POLR3B: variants seen among roughly 807,000 people sequenced by gnomAD.
POLR3B encodes RNA polymerase III subunit B.
A neutral mutation model predicts 147.4 loss-of-function variants in POLR3B; 96 were observed. That is an observed-to-expected ratio of 0.65 (90% confidence interval 0.55 to 0.77). The LOEUF is 0.77. POLR3B is among the 30% of genes least tolerant of loss of function. The pLI is 0.00. For synonymous variants in POLR3B, 461 were observed against 485.9 expected (o/e 0.95, Z 0.67); for missense variants, 1,036 against 1,413.5 (o/e 0.73, Z 4.28).
intron 2 of POLR3B, among the ~76,000 whole-genome samples, chr12:106,364,133 A>G (rs2036501895): frequency 6.6e-6 from 1 of 152,264 alleles, no homozygotes; most frequent in African/African-American, 2.4e-5. Flanking sequence ...AGCATGGCAC[A>G]TGATTAAAAA....
At chr12:106,467,618 G>T (rs1357361658) in intron 23 of POLR3B, among the ~76,000 whole-genome samples, 1 of 151,650 alleles carries the variant, frequency 6.6e-6, no homozygotes, top group Non-Finnish European at 1.5e-5. Context: ...TTATTTTGAG[G>T]TATGTTCCAT....
At chr12:106,431,156 A>G (rs2037505134) in intron 14 of POLR3B, among the ~76,000 whole-genome samples, 1 of 152,226 alleles carries the variant, frequency 6.6e-6, no homozygotes, top group South Asian at 2.1e-4. Flanking sequence ...TGCTGAATTA[A>G]TAATTACAAC....
chr12:106,436,409 C>G (rs541919627), intron 16 of POLR3B, among the ~76,000 whole-genome samples: 1 of 152,318 alleles, frequency 6.6e-6, no homozygotes, highest in Admixed American at 6.5e-5. Context: ...ACCTTCCACC[C>G]ATTACGTCAC....
At chr12:106,462,125 C>CT (rs2037946796) in intron 22 of POLR3B, among the ~76,000 whole-genome samples, 2 of 152,352 alleles carry the variant, frequency 1.3e-5, no homozygotes, top group Middle Eastern at 3.4e-3. Flanking sequence ...GCTCTCTTCT[C>CT]TCCCTCCTCC....
At chr12:106,441,452 T>C (rs2037649965) in intron 18 of POLR3B, among the ~76,000 whole-genome samples, 1 of 152,166 alleles carries the variant, frequency 6.6e-6, no homozygotes, top group African/African-American at 2.4e-5. Flanking sequence ...CTACTGAACA[T>C]TGTAGGCAGT....
intron 13 of POLR3B, among the ~76,000 whole-genome samples, chr12:106,428,969 C>T (rs975643123): frequency 1.3e-5 from 2 of 152,142 alleles, no homozygotes; most frequent in African/African-American, 4.8e-5. Context: ...AGTTTTTCTG[C>T]TACAAGGGTT....
intron 12 of POLR3B, among the ~76,000 whole-genome samples, chr12:106,417,238 A>G (rs997611013): frequency 2.6e-5 from 4 of 152,358 alleles, no homozygotes; most frequent in Non-Finnish European, 2.9e-5. Flanking sequence ...GCATTCCAGC[A>G]AGAGACACAA....
At chr12:106,509,089 A>G (rs1320244041) in intron 27 of POLR3B, among the ~76,000 whole-genome samples, 2 of 152,214 alleles carry the variant, frequency 1.3e-5, no homozygotes, top group African/African-American at 4.8e-5. Context: ...CCAATGGTTC[A>G]GATTTCTGGA....
chr12:106,441,642 T>C (rs574471827), intron 18 of POLR3B, among the ~76,000 whole-genome samples: 1 of 152,332 alleles, frequency 6.6e-6, no homozygotes, highest in Admixed American at 6.5e-5. Context: ...CCATTTGTTA[T>C]TACATTATCT....
intron 12 of POLR3B, among the ~76,000 whole-genome samples, chr12:106,418,769 T>C (rs1000203806): frequency 2.6e-4 from 39 of 152,214 alleles, no homozygotes; most frequent in Admixed American, 3.9e-4. Flanking sequence ...CTAAATAATG[T>C]GGTGTATTGT....
intron 23 of POLR3B, among the ~76,000 whole-genome samples, chr12:106,476,626 A>G (rs2038174342): frequency 7.0e-6 from 1 of 142,158 alleles, no homozygotes. Flanking sequence ...TTCATCTTCC[A>G]TTGCTGATAC....
intron 6 of POLR3B, among the ~76,000 whole-genome samples, chr12:106,370,461 G>T (rs10861582): frequency 0.32 from 49,198 of 151,924 alleles, 10,350 homozygotes; most frequent in African/African-American, 0.6. Flanking sequence ...TAGAAGTCCA[G>T]ATTTTTATGG....
In POLR3B at chr12:106,378,498, A is replaced by G. The variant is rs1355585603; in HGVS notation, c.614+114A>G. ...ATTACCCTCTAAAAGCAGGCATTGTAATATTTAAGCTATCTGCATTCAATT... is the reference window on the plus strand; with the variant it reads ...ATTACCCTCTAAAAGCAGGCATTGTGATATTTAAGCTATCTGCATTCAATT... On this transcript the variant is annotated intron_variant, in intron 8 of 27. Coordinates refer to ENST00000228347, the MANE Select transcript of POLR3B (RefSeq NM_018082.6). 3.9e-5 allele frequency: 27 copies of G among 683,992 alleles called. No individual in the cohort carries two copies. In the Admixed American group the frequency reaches 6.3e-4, roughly 16 times the overall value. 42.4% of individuals were successfully genotyped at this position (683,992 alleles called of 1,614,324 possible).
intron 12 of POLR3B, among the ~76,000 whole-genome samples, chr12:106,421,457 C>A (rs2037373002): frequency 6.6e-6 from 1 of 152,104 alleles, no homozygotes; most frequent in South Asian, 2.1e-4. Context: ...AAGTTTTTGT[C>A]TAATAGATGC....
intron 21 of POLR3B, among the ~76,000 whole-genome samples, chr12:106,457,850 T>C (rs1200600871): frequency 6.6e-6 from 1 of 152,148 alleles, no homozygotes; most frequent in Non-Finnish European, 1.5e-5. Context: ...GTTGGGAAGA[T>C]CAGCATGGCT....
Position 106,432,309 on chromosome 12 carries a change from GT to G in POLR3B, c.1465-3del. On this transcript the variant is annotated splice_region_variant and splice_polypyrimidine_tract_variant and intron_variant, in intron 14 of 27. Coordinates refer to ENST00000228347, the MANE Select transcript of POLR3B (RefSeq NM_018082.6). ...TCATTCTTAGAAATGACCATCTTTT[GT>G]TTTTTAGGCATGTGGTTTGGTTAAA... The G allele has an allele frequency of 1.2e-6, 2 of 1,612,682 alleles. No individual in the cohort carries two copies. The highest frequency in any genetic ancestry group is 1.7e-6 in the Non-Finnish European group (2 of 1,178,830).
intron 20 of POLR3B, among the ~76,000 whole-genome samples, chr12:106,455,167 G>T (rs1008730785): frequency 6.6e-6 from 1 of 152,146 alleles, no homozygotes; most frequent in South Asian, 2.1e-4. Context: ...GCCAAGTGAC[G>T]AAAGTTAAAA....
intron 12 of POLR3B, among the ~76,000 whole-genome samples, chr12:106,418,462 G>T (rs2136944954): frequency 6.6e-6 from 1 of 152,276 alleles, no homozygotes; most frequent in South Asian, 2.1e-4. Flanking sequence ...ACCAGTTTGT[G>T]TGAAAAGGAG....
intron 25 of POLR3B, among the ~76,000 whole-genome samples, chr12:106,497,765 G>C (rs2038518638): frequency 6.6e-6 from 1 of 152,156 alleles, no homozygotes; most frequent in Non-Finnish European, 1.5e-5. Context: ...GACCGTTTAG[G>C]TGTGTTGCTA....
Sources: allele counts gnomAD v4.1 joint callset (sites outside exome capture counted in the v4.1 genomes callset), GRCh38; gene constraint gnomAD v4.1.1; transcripts MANE v1.5; gene names NCBI Gene and HGNC (gene_info 2026-07-23, HGNC 2026-07-21).